BRD4: variants seen among roughly 807,000 people sequenced by gnomAD.
The protein encoded by BRD4 is bromodomain-containing protein 4.
In BRD4, 16 loss-of-function variants were observed where a neutral mutation model predicts 142.1. The observed-to-expected ratio is 0.11, with a 90% CI of 0.08 to 0.17. BRD4 has a LOEUF of 0.17. BRD4 is among the 10% of genes least tolerant of loss of function. The probability of loss-of-function intolerance (pLI) is 1.00; values close to 1 mark genes in which losing one functional copy is unlikely to be tolerated. For synonymous variants in BRD4, 833 were observed against 707.5 expected, an observed-to-expected ratio of 1.18 and a Z score of -2.82; for missense variants, 1,424 against 1,810.9, an observed-to-expected ratio of 0.79 and a Z score of 3.88.
intron 14 of BRD4, among the ~76,000 whole-genome samples, chr19:15,241,916 G>T (rs150483510): frequency 6.7e-6 from 1 of 150,266 alleles, no homozygotes; most frequent in African/African-American, 2.5e-5. Flanking sequence ...AGACTCAAGC[G>T]ATTCTCCCGC....
At position 15,244,671 on chromosome 19, in the gene BRD4, A is replaced by C. The variant is rs748192588; in HGVS notation, c.2211+39T>G. On this transcript the variant is annotated intron_variant, in intron 12 of 19. Transcript: ENST00000679869. ...GCAGAACTGGCCCGGGCCAGACCCA[A>C]CGTCCCACCTAATGAAGGATGCCCC... 4 of 1,613,950 alleles carry C rather than the reference A, an allele frequency of 2.5e-6. No individual in the cohort carries two copies. In the Admixed American group the frequency reaches 5.0e-5, roughly 20 times the overall value.
chr19:15,302,253 C>A (rs558829643), intron 1 of BRD4, among the ~76,000 whole-genome samples: 4 of 152,254 alleles, frequency 2.6e-5, no homozygotes, highest in South Asian at 4.1e-4. Flanking sequence ...CCCCTTTAGA[C>A]CTGGTACAGA....
chr19:15,259,942 G>A (rs1274710947), intron 7 of BRD4, among the ~76,000 whole-genome samples: 1 of 152,250 alleles, frequency 6.6e-6, no homozygotes, highest in Non-Finnish European at 1.5e-5. Context: ...ATGCACCGAG[G>A]CAAGCCTCTC....
Position 15,314,669 on chromosome 19 carries a change from C to G in BRD4, c.-35+17621G>C, listed in dbSNP as rs78035989. Among the ~76,000 whole-genome samples, 857 of 152,162 alleles carry G rather than the reference C, an allele frequency of 5.6e-3. 7 individuals are homozygous for G. The highest frequency in any genetic ancestry group is 9.6e-3 in the Admixed American group (147 of 15,276). On this transcript the variant is annotated intron_variant, in intron 1 of 19. Transcript: ENST00000679869. ...CACATGGTCAAGGAACTAAAGTGACCCCATTTTCTCTAAAACCTGTCAAAA... is the reference window on the plus strand; with the variant it reads ...CACATGGTCAAGGAACTAAAGTGACGCCATTTTCTCTAAAACCTGTCAAAA...
At position 15,239,036 on chromosome 19, in the gene BRD4, G is replaced by A. The variant is rs1243997464; in HGVS notation, c.3782+23C>T. The stretch of plus-strand genomic sequence containing the variant: ...CTGGTGTGGCCCCAAGAGTCCCCAT[G>A]CCCCACCCAGACACCCGCCCACCTC... On this transcript the variant is annotated intron_variant, in intron 18 of 19. Coordinates refer to ENST00000679869, the MANE Select transcript of BRD4 (RefSeq NM_001379291.1). The surrounding 1 kb of genome is among the most constrained non-coding windows in gnomAD (Gnocchi z 7.4). 3 of 1,580,978 alleles carry A rather than the reference G, an allele frequency of 1.9e-6. No homozygotes were observed. The highest frequency in any genetic ancestry group is 2.3e-5 in the South Asian group (2 of 88,358).
At chr19:15,324,273 C>A (rs1260683367) in intron 1 of BRD4, among the ~76,000 whole-genome samples, 1 of 152,212 alleles carries the variant, frequency 6.6e-6, no homozygotes, top group Non-Finnish European at 1.5e-5. Flanking sequence ...GAACAAATGT[C>A]AAATTTATTC....
chr19:15,255,156 G>T (rs1568383506), intron 10 of BRD4, 141 bp downstream of exon 10: 4 of 837,714 alleles, frequency 4.8e-6, no homozygotes, highest in Non-Finnish European at 7.2e-6. Flanking sequence ...CCTTTCGGAG[G>T]TTTCTGTGTC....
intron 1 of BRD4, among the ~76,000 whole-genome samples, chr19:15,315,742 G>C (rs550433851): frequency 6.6e-5 from 10 of 152,176 alleles, no homozygotes; most frequent in African/African-American, 2.4e-4. Context: ...TGTAGTCCCA[G>C]CTACTTGGGA....
At chr19:15,256,466 A>G (rs1017771150) in intron 8 of BRD4, among the ~76,000 whole-genome samples, 1 of 152,222 alleles carries the variant, frequency 6.6e-6, no homozygotes, top group African/African-American at 2.4e-5. Flanking sequence ...ATCTCCACCC[A>G]TTCACTCAAC....
At chr19:15,273,811 ATTTTC>A (rs970451805) in intron 1 of BRD4, among the ~76,000 whole-genome samples, 1 of 138,526 alleles carries the variant, frequency 7.2e-6, no homozygotes, top group African/African-American at 2.7e-5. Context: ...TAGACCTACC[ATTTTC>A]TTTTTTTTTT....
In BRD4 at chr19:15,251,737, C is replaced by G. The variant is rs141065171; in HGVS notation, c.2158+2415G>C. 8.7e-4 allele frequency among the ~76,000 whole-genome samples: 132 copies of G among 152,302 alleles called. 1 individual carries two copies. The East Asian group carries it at 0.019, about 22-fold the overall frequency. ...CATTTCGGGATCTGCCGTACGAAAC[C>G]CTCGCAGCGGCCCCTCCTGAGAGGA... On this transcript the variant is annotated intron_variant, in intron 11 of 19. Coordinates refer to ENST00000679869, the MANE Select transcript of BRD4 (RefSeq NM_001379291.1).
chr19:15,326,629 A>G (rs1294544615), intron 1 of BRD4, among the ~76,000 whole-genome samples: 2 of 152,214 alleles, frequency 1.3e-5, no homozygotes, highest in Non-Finnish European at 2.9e-5. Context: ...TACTTTTTCC[A>G]AATTCCTTAA....
Position 15,239,779 on chromosome 19 carries a change from C to A in BRD4, c.3325G>T (p.Val1109Leu), listed in dbSNP as rs2047223878. The change falls in exon 16 of 20, where the codon GTG (valine) becomes TTG (leucine). Residue 1109 changes from valine (V) to leucine (L), a missense_variant. Transcript: ENST00000679869. The surrounding 1 kb of genome is among the most constrained non-coding windows in gnomAD (Gnocchi z 7.4). ...GAGTGGATCTTCTCCTCCTTCACCA[C>A]CACGAGGGGCTGGGGCTGGACCACG... ...ASVVQPQPLV[V>L]VKEEKIHSPI... 2 of 1,612,666 alleles carry A rather than the reference C, an allele frequency of 1.2e-6. No individual in the cohort carries two copies. The highest frequency in any genetic ancestry group is 1.7e-6 in the Non-Finnish European group (2 of 1,179,838).
At chr19:15,322,175 C>G (rs573350611) in intron 1 of BRD4, among the ~76,000 whole-genome samples, 1 of 152,262 alleles carries the variant, frequency 6.6e-6, no homozygotes, top group East Asian at 1.9e-4. Context: ...ATGAAATATC[C>G]TTGAAAATTG....
At chr19:15,265,695 C>A in intron 4 of BRD4, 52 bp from the exon 5 acceptor site, 1 of 1,588,604 alleles carries the variant, frequency 6.3e-7, no homozygotes, top group Non-Finnish European at 8.6e-7. Context: ...CATCCACATG[C>A]TGGCTGACCT....
Position 15,260,380 on chromosome 19 carries a change from A to T in BRD4, c.1341+3040T>A, listed in dbSNP as rs187896882. Among the ~76,000 whole-genome samples the T allele has an allele frequency of 1.5e-3, 227 of 152,304 alleles. 3 individuals are homozygous for T. The highest frequency in any genetic ancestry group is 5.4e-3 in the African/African-American group (223 of 41,566). ...GAAGCTTTGTCCCTCCCCTTCCCTG[A>T]TGGAGAATTTGCTCTCTACCTGCTG... On this transcript the variant is annotated intron_variant, in intron 7 of 19. Transcript: ENST00000679869.
intron 1 of BRD4, among the ~76,000 whole-genome samples, chr19:15,290,964 T>C (rs2047777496): frequency 6.6e-6 from 1 of 152,180 alleles, no homozygotes; most frequent in African/African-American, 2.4e-5. Flanking sequence ...TAAAGACGCA[T>C]ATGGTATTTT....
At chr19:15,262,534 A>AG (rs1372948737) in intron 7 of BRD4, among the ~76,000 whole-genome samples, 2 of 141,460 alleles carry the variant, frequency 1.4e-5, no homozygotes, top group Admixed American at 6.8e-5. Flanking sequence ...TAAAAAAAAA[A>AG]AAAAAAAAGA....
chr19:15,286,193 A>G (rs1368487427), intron 1 of BRD4, among the ~76,000 whole-genome samples: 1 of 152,164 alleles, frequency 6.6e-6, no homozygotes, highest in Non-Finnish European at 1.5e-5. Context: ...CAGTAACACA[A>G]ATCAGTCCAG....
Sources: gnomAD v4.1 joint callset for allele counts (sites outside exome capture counted in the v4.1 genomes callset) on GRCh38, gnomAD v4.1.1 for gene constraint, Gnocchi (gnomAD v3.1) non-coding constraint, MANE v1.5 for transcripts, NCBI Gene and HGNC (gene_info 2026-07-23, HGNC 2026-07-21) for gene names.